HEATR4: variants seen among roughly 807,000 people sequenced by gnomAD.
HEATR4 encodes the protein HEAT repeat-containing protein 4.
In HEATR4, 95 loss-of-function variants were observed where a neutral mutation model predicts 108.8. That is an observed-to-expected ratio of 0.87 (90% CI 0.74 to 1.04). The LOEUF is 1.04. HEATR4 is among the 50% of genes least tolerant of loss of function. The pLI is 0.00. For missense variants in HEATR4, 1,152 were observed against 1,253.8 expected, an observed-to-expected ratio of 0.92 and a Z score of 1.23; for synonymous variants, 443 against 459.4, an observed-to-expected ratio of 0.96 and a Z score of 0.46.
chr14:73,511,998 G>T lies in HEATR4; in HGVS notation c.1558+8C>A. 4.3e-6 allele frequency: 7 copies of T among 1,613,790 alleles called. No homozygotes were observed. Among genetic ancestry groups the T allele is most frequent in the Non-Finnish European group, 5.9e-6 (7 of 1,179,872 alleles). On this transcript the variant is annotated splice_region_variant and intron_variant, in intron 7 of 17. Coordinates refer to ENST00000553558, the MANE Select transcript of HEATR4 (RefSeq NM_001220484.1). ...TATGTTCTCAAGCAGTTCAGCTTTG[G>T]CTCTCACCTGAGTCTCTCTGGCTGG... is the stretch of plus-strand genomic sequence containing the variant.
chr14:73,483,096 C>T (rs1002979534), intron 17 of HEATR4, among the ~76,000 whole-genome samples: 6 of 152,114 alleles, frequency 3.9e-5, no homozygotes, highest in Admixed American at 3.3e-4. Context: ...GGAAAAACTT[C>T]GGAAATGTGT....
the HEATR4 span, among the ~76,000 whole-genome samples, chr14:73,607,492 A>G: frequency 6.6e-6 from 1 of 152,148 alleles, no homozygotes; most frequent in Non-Finnish European, 1.5e-5. Context: ...AGGGGCTGCC[A>G]TGAAGGTCTG....
At chr14:73,486,082 G>A (rs1316098660) in intron 17 of HEATR4, among the ~76,000 whole-genome samples, 3 of 152,110 alleles carry the variant, frequency 2.0e-5, no homozygotes, top group South Asian at 2.1e-4. Context: ...TCAAAATTTT[G>A]TATTGATGAA....
Position 73,531,817 on chromosome 14 carries a change from C to T in HEATR4, c.-151-1573G>A, listed in dbSNP as rs368080449. On this transcript the variant is annotated intron_variant, in intron 1 of 17. Transcript: ENST00000553558. The stretch of plus-strand genomic sequence containing the variant: ...GGCGGATCACCTGAGGTCAGGAGTT[C>T]GAGACCAGCCTGACCAACATGGTGA... Among the ~76,000 whole-genome samples the T allele has an allele frequency of 2.7e-5, 3 of 111,022 alleles. 1 individual carries two copies. The highest frequency in any genetic ancestry group is 1.5e-3 in the East Asian group (2 of 1,354). The allele number at this position is 111,022 out of a possible 152,430, so 72.8% of individuals were successfully genotyped here.
At chr14:73,566,453 G>A in the HEATR4 span, among the ~76,000 whole-genome samples, 1 of 152,138 alleles carries the variant, frequency 6.6e-6, no homozygotes, top group Non-Finnish European at 1.5e-5. Context: ...CAGGCATGGA[G>A]GGCTGCAGGT....
At chr14:73,485,692 G>A (rs1028239117) in intron 17 of HEATR4, among the ~76,000 whole-genome samples, 19 of 152,042 alleles carry the variant, frequency 1.2e-4, no homozygotes, top group Non-Finnish European at 1.9e-4. Flanking sequence ...GGCCAACATG[G>A]CAAAACTCCA....
the HEATR4 span, among the ~76,000 whole-genome samples, chr14:73,567,386 T>A: frequency 0.22 from 32,740 of 151,860 alleles, 4,414 homozygotes; most frequent in East Asian, 0.58. Flanking sequence ...TTGGAGAACT[T>A]TTTTGTCTAG....
the HEATR4 span, among the ~76,000 whole-genome samples, chr14:73,584,188 C>T: frequency 4.0e-5 from 6 of 151,654 alleles, no homozygotes; most frequent in East Asian, 7.8e-4. Flanking sequence ...GAGAAAGAGG[C>T]GAGCCTATAA....
intron 17 of HEATR4, chr14:73,490,832 G>T (rs1885658364): frequency 5.5e-6 from 3 of 547,516 alleles, no homozygotes; most frequent in Admixed American, 8.7e-5. Context: ...TGCCGCTACA[G>T]CTTGAAGCCA....
chr14:73,583,450 G>A, the HEATR4 span, among the ~76,000 whole-genome samples: 1 of 151,686 alleles, frequency 6.6e-6, no homozygotes, highest in African/African-American at 2.4e-5. Context: ...TACCCTCCAT[G>A]ATCCCTTTAA....
At chr14:73,504,642 G>A (rs912513164) in intron 10 of HEATR4, among the ~76,000 whole-genome samples, 2 of 152,128 alleles carry the variant, frequency 1.3e-5, no homozygotes, top group Non-Finnish European at 2.9e-5. Flanking sequence ...ACTAACCCAA[G>A]TCCAAAACCT....
At chr14:73,609,384 A>G in the HEATR4 span, among the ~76,000 whole-genome samples, 1 of 152,172 alleles carries the variant, frequency 6.6e-6, no homozygotes, top group Non-Finnish European at 1.5e-5. Flanking sequence ...GTGCTCCTGC[A>G]TATCACCCCT....
At chr14:73,521,129 C>G in intron 3 of HEATR4, 90 bp from the exon 4 acceptor site, 1 of 1,158,576 alleles carries the variant, frequency 8.6e-7, no homozygotes, top group Non-Finnish European at 1.3e-6. Context: ...TCCCTTTCCT[C>G]TTTAAGCTCA....
At chr14:73,608,046 T>G in the HEATR4 span, among the ~76,000 whole-genome samples, 1 of 152,046 alleles carries the variant, frequency 6.6e-6, no homozygotes, top group Admixed American at 6.6e-5. Flanking sequence ...TGCCTCAGCC[T>G]CCCGAGTAGC....
At chr14:73,616,398 T>C in the HEATR4 span, among the ~76,000 whole-genome samples, 1 of 152,106 alleles carries the variant, frequency 6.6e-6, no homozygotes, top group South Asian at 2.1e-4. Flanking sequence ...ATTTATATCA[T>C]TAAAAAGTTT....
Position 73,500,610 on chromosome 14 carries a change from G to A in HEATR4, c.2226C>T (p.Phe742=), listed in dbSNP as rs771832393. 1.9e-6 allele frequency: 3 copies of A among 1,614,164 alleles called. No individual in the cohort carries two copies. Among genetic ancestry groups the A allele is most frequent in the Non-Finnish European group, 2.5e-6 (3 of 1,180,038 alleles). The part of the protein sequence containing the change: ...PSFLHCFSDD[F]TAVRRAACLA... ...AACAGGCTGCCCGCCGAACTGCTGT[G>A]AAGTCATCAGAGAAGCAGTGCAGGA... The change falls in exon 12 of 18, where the codon TTC becomes TTT. Residue 742 remains phenylalanine, a synonymous_variant. Coordinates refer to ENST00000553558, the MANE Select transcript of HEATR4 (RefSeq NM_001220484.1).
chr14:73,575,728 A>G, the HEATR4 span: 2 of 441,780 alleles, frequency 4.5e-6, no homozygotes, highest in East Asian at 9.4e-5. Flanking sequence ...AGGAAACACA[A>G]GAAGTGGAAA....
chr14:73,497,042 C>T (rs1027229165), intron 14 of HEATR4, among the ~76,000 whole-genome samples: 11 of 152,136 alleles, frequency 7.2e-5, no homozygotes, highest in Non-Finnish European at 1.3e-4. Flanking sequence ...ACTACAGGCG[C>T]GTGCCATCAT....
rs1889236184 is a variant in HEATR4, at chr14:73,546,589, C to T, written c.-152+12162G>A. 3.5e-5 allele frequency among the ~76,000 whole-genome samples: 4 copies of T among 114,340 alleles called. 2 individuals carry two copies. In the South Asian group the frequency reaches 1.1e-3, roughly 32 times the overall value. 75.0% of individuals were successfully genotyped at this position (114,340 alleles called of 152,430 possible). On this transcript the variant is annotated intron_variant, in intron 1 of 17. Coordinates refer to ENST00000553558, the MANE Select transcript of HEATR4 (RefSeq NM_001220484.1). Reference sequence around the variant, plus strand: ...TGTTGTCCAGGCTGGTCTCAAAACTCCTGGGCTCAAGCAGTCTGTCCATCT... The same window carrying T: ...TGTTGTCCAGGCTGGTCTCAAAACTTCTGGGCTCAAGCAGTCTGTCCATCT...
Sources: allele counts gnomAD v4.1 joint callset (sites outside exome capture counted in the v4.1 genomes callset), GRCh38; gene constraint gnomAD v4.1.1; transcripts MANE v1.5; gene names NCBI Gene and HGNC (gene_info 2026-07-23, HGNC 2026-07-21).